The following VPS13B variants were observed in gnomAD, a reference collection of about 807,000 sequenced individuals.
VPS13B encodes the protein vacuolar protein sorting 13 homolog B.
A neutral mutation model predicts 426.4 loss-of-function variants in VPS13B; 285 were observed. That is an observed-to-expected ratio of 0.67 (90% CI 0.61 to 0.74). The LOEUF is 0.74. Among genes scored for constraint, VPS13B ranks in the 30% least tolerant of loss-of-function variants. The pLI is 0.00. For synonymous variants in VPS13B, 1,676 were observed against 1,676.4 expected (o/e 1.00, Z 0.01); for missense variants, 4,537 against 4,782.6 (o/e 0.95, Z 1.51).
chr8:99,584,059 C>A (rs922166595), intron 33 of VPS13B, among the ~76,000 whole-genome samples: 2 of 152,024 alleles, frequency 1.3e-5, no homozygotes, highest in Non-Finnish European at 2.9e-5. Flanking sequence ...AGGCAATAAA[C>A]ACAGACTCCA....
intron 15 of VPS13B, among the ~76,000 whole-genome samples, chr8:99,162,994 T>C (rs1201749254): frequency 6.6e-6 from 1 of 152,086 alleles, no homozygotes. Context: ...ATTAGTTAGA[T>C]ACAGAGTTTG....
chr8:99,543,792 T>C (rs1471875016), intron 30 of VPS13B, among the ~76,000 whole-genome samples: 1 of 151,496 alleles, frequency 6.6e-6, no homozygotes, highest in African/African-American at 2.4e-5. Context: ...AGAATGGCAA[T>C]CATAAAAAAG....
At chr8:99,649,276 A>T (rs919953238) in intron 34 of VPS13B, among the ~76,000 whole-genome samples, 1 of 151,944 alleles carries the variant, frequency 6.6e-6, no homozygotes, top group African/African-American at 2.4e-5. Flanking sequence ...GGTTTTGTTT[A>T]TCAAATTTGA....
intron 24 of VPS13B, among the ~76,000 whole-genome samples, chr8:99,476,250 G>A (rs949631565): frequency 1.3e-5 from 2 of 152,222 alleles, no homozygotes; most frequent in East Asian, 3.9e-4. Flanking sequence ...GACTTGGAGA[G>A]GGATTAATAC....
At chr8:99,659,188 T>C (rs1830131579) in intron 34 of VPS13B, among the ~76,000 whole-genome samples, 2 of 152,160 alleles carry the variant, frequency 1.3e-5, no homozygotes, top group South Asian at 4.1e-4. Context: ...TTTGTTTCTT[T>C]AATTATTAAG....
chr8:99,203,577 C>T (rs566323739), intron 17 of VPS13B, among the ~76,000 whole-genome samples: 2 of 152,186 alleles, frequency 1.3e-5, no homozygotes, highest in Admixed American at 1.3e-4. Flanking sequence ...CAGATTGTCT[C>T]TCTTTGCAGA....
intron 10 of VPS13B, 134 bp from the exon 11 acceptor site, chr8:99,135,462 C>T: frequency 8.4e-7 from 1 of 1,192,802 alleles, no homozygotes; most frequent in Non-Finnish European, 1.2e-6. Context: ...GAAGGTGGAG[C>T]AGCAGCATTC....
At chr8:99,019,228 TAG>T (rs1841768918) in intron 2 of VPS13B, among the ~76,000 whole-genome samples, 1 of 147,286 alleles carries the variant, frequency 6.8e-6, no homozygotes, top group East Asian at 2.0e-4. Context: ...TTTTTTGAGA[TAG>T]AGTTTCACTC....
At chr8:99,684,323 A>G (rs1831283478) in intron 35 of VPS13B, among the ~76,000 whole-genome samples, 1 of 152,234 alleles carries the variant, frequency 6.6e-6, no homozygotes, top group Non-Finnish European at 1.5e-5. Context: ...AAATGAATTA[A>G]GAAGTATTCT....
At chr8:99,293,841 T>C (rs1168135112) in intron 19 of VPS13B, among the ~76,000 whole-genome samples, 215 of 148,288 alleles carry the variant, frequency 1.4e-3, no homozygotes, top group African/African-American at 4.9e-3. Context: ...CACAATGAGA[T>C]ACCATCTCAC....
chr8:99,716,214 A>G (rs1338287133), intron 36 of VPS13B, among the ~76,000 whole-genome samples: 1 of 152,192 alleles, frequency 6.6e-6, no homozygotes, highest in Non-Finnish European at 1.5e-5. Context: ...GGAATATACA[A>G]CATATATGAA....
intron 3 of VPS13B, among the ~76,000 whole-genome samples, chr8:99,059,236 A>G (rs1340860302): frequency 6.6e-6 from 1 of 152,186 alleles, no homozygotes; most frequent in African/African-American, 2.4e-5. Context: ...TCCTGGGTTC[A>G]AGTGATTCTC....
chr8:99,197,944 C>T (rs1270195663), intron 17 of VPS13B, among the ~76,000 whole-genome samples: 2 of 151,958 alleles, frequency 1.3e-5, no homozygotes, highest in African/African-American at 4.8e-5. Flanking sequence ...CACAACCTTG[C>T]GTTAGGTAAT....
At chr8:99,684,196 G>A (rs1684560535) in intron 35 of VPS13B, among the ~76,000 whole-genome samples, 1 of 152,112 alleles carries the variant, frequency 6.6e-6, no homozygotes, top group African/African-American at 2.4e-5. Flanking sequence ...GTATGCTGAT[G>A]GATTTGATTT....
At chr8:99,171,525 T>C (rs942172135) in intron 16 of VPS13B, among the ~76,000 whole-genome samples, 19 of 151,990 alleles carry the variant, frequency 1.3e-4, no homozygotes, top group Non-Finnish European at 2.9e-5. Flanking sequence ...AAAATCAATA[T>C]TGAAATAAGT....
chr8:99,842,557 T>C (rs1815757899), intron 54 of VPS13B, among the ~76,000 whole-genome samples: 2 of 151,952 alleles, frequency 1.3e-5, no homozygotes, highest in African/African-American at 2.4e-5. Flanking sequence ...GGAGACTGCC[T>C]TGAGCTATGA....
At chr8:99,708,851 A>C (rs556938463) in intron 36 of VPS13B, among the ~76,000 whole-genome samples, 6,422 of 143,014 alleles carry the variant, frequency 0.045, 240 homozygotes, top group African/African-American at 0.11. Flanking sequence ...CTCTCTCTCT[A>C]TATATATATA....
At chr8:99,015,383 A>AT (rs1841560190) in intron 2 of VPS13B, among the ~76,000 whole-genome samples, 1 of 150,820 alleles carries the variant, frequency 6.6e-6, no homozygotes. Context: ...CGCCTGGCTA[A>AT]TTTTTTGTAT....
At chr8:99,579,655 C>A (rs564096605) in intron 33 of VPS13B, among the ~76,000 whole-genome samples, 1 of 152,020 alleles carries the variant, frequency 6.6e-6, no homozygotes, top group Non-Finnish European at 1.5e-5. Context: ...TCCTTGGCCT[C>A]CCAAAGTGCT....
Sources: allele counts gnomAD v4.1 joint callset (sites outside exome capture counted in the v4.1 genomes callset), GRCh38; gene constraint gnomAD v4.1.1; transcripts MANE v1.5; gene names NCBI Gene and HGNC (gene_info 2026-07-23, HGNC 2026-07-21).